QKI: variants seen among roughly 807,000 people sequenced by gnomAD.
The protein encoded by QKI is QKI, KH domain containing RNA binding, also known as KH domain-containing RNA-binding protein QKI.
QKI carries 10 observed loss-of-function variants against 39.0 expected under a neutral mutation model. That is an observed-to-expected ratio of 0.26 (90% CI 0.16 to 0.43). The LOEUF (loss-of-function observed/expected upper bound fraction) is 0.43. QKI is among the 20% of genes least tolerant of loss of function. The pLI, the probability that QKI is intolerant of heterozygous loss-of-function variation, is 1.00. For synonymous variants in QKI, 204 were observed against 155.4 expected, an observed-to-expected ratio of 1.31 and a Z score of -2.33; for missense variants, 218 against 428.0, an observed-to-expected ratio of 0.51 and a Z score of 4.33.
intron 4 of QKI, among the ~76,000 whole-genome samples, chr6:163,543,883 A>T (rs953376214): frequency 6.6e-6 from 1 of 152,082 alleles, no homozygotes; most frequent in Admixed American, 6.6e-5. Flanking sequence ...TCTTAATTTA[A>T]ATATATTTTC....
At chr6:163,480,542 CATA>C (rs1317226143) in intron 3 of QKI, among the ~76,000 whole-genome samples, 7 of 152,106 alleles carry the variant, frequency 4.6e-5, no homozygotes, top group Non-Finnish European at 1.5e-5. Context: ...AAAAAGTTCT[CATA>C]ATATTGATTA....
At position 163,468,222 on chromosome 6, in the gene QKI, C is replaced by G. The variant is rs375374283; in HGVS notation, c.286-10558C>G. On this transcript the variant is annotated intron_variant, in intron 2 of 7. Transcript: ENST00000361752. Reference sequence around the variant, plus strand: ...ATATAATGAAAGATTTGTAAGGCATCTAACTAAAATCACCCTAGAAATAAC... The same window carrying G: ...ATATAATGAAAGATTTGTAAGGCATGTAACTAAAATCACCCTAGAAATAAC... Among the ~76,000 whole-genome samples the G allele has an allele frequency of 2.6e-5, 4 of 152,106 alleles. No homozygotes were observed. In the South Asian group the frequency reaches 8.3e-4, roughly 31 times the overall value.
intron 1 of QKI, among the ~76,000 whole-genome samples, chr6:163,448,260 C>T (rs369986525): frequency 9.6e-4 from 145 of 150,334 alleles, no homozygotes; most frequent in Non-Finnish European, 1.2e-3. Context: ...TGTTTTTGGA[C>T]TTAGGATTGT....
intron 2 of QKI, among the ~76,000 whole-genome samples, chr6:163,466,670 A>ATTCC (rs1791780783): frequency 6.6e-6 from 1 of 152,210 alleles, no homozygotes; most frequent in African/African-American, 2.4e-5. Flanking sequence ...CTGGATATTG[A>ATTCC]CATTCCAAAG....
chr6:163,474,344 A>G (rs1407230014), intron 2 of QKI, among the ~76,000 whole-genome samples: 1 of 152,134 alleles, frequency 6.6e-6, no homozygotes, highest in Non-Finnish European at 1.5e-5. Flanking sequence ...AAAAAGAAAT[A>G]AAAATATATG....
chr6:163,475,698 G>T (rs1792537305), intron 2 of QKI, among the ~76,000 whole-genome samples: 1 of 152,156 alleles, frequency 6.6e-6, no homozygotes, highest in African/African-American at 2.4e-5. Context: ...TGTGAGAGAA[G>T]AAAAGAAAAT....
intron 1 of QKI, among the ~76,000 whole-genome samples, chr6:163,435,008 A>C (rs1444143937): frequency 1.3e-5 from 2 of 152,220 alleles, no homozygotes; most frequent in Non-Finnish European, 2.9e-5. Flanking sequence ...TGGGTACTTA[A>C]TTATCCAACA....
chr6:163,424,551 G>T (rs1048576572), intron 1 of QKI, among the ~76,000 whole-genome samples: 2 of 152,038 alleles, frequency 1.3e-5, no homozygotes, highest in Non-Finnish European at 2.9e-5. Flanking sequence ...CAACTGCCCT[G>T]CCAACCTCAA....
Position 163,568,436 on chromosome 6 carries a change from C to T in QKI, c.1009+1641C>T, listed in dbSNP as rs370898851. 9.1e-6 allele frequency: 9 copies of T among 985,118 alleles called. No individual in the cohort carries two copies. The African/African-American group carries it at 1.0e-4, about 11-fold the overall frequency. The allele number at this position is 985,118 out of a possible 1,614,324, so 61.0% of individuals were successfully genotyped here. ...TCCATGCATGGATCTTTTGTAGTTACGTGTTTTGATTAGTCCTGTCACTGT... is the reference window on the plus strand; with the variant it reads ...TCCATGCATGGATCTTTTGTAGTTATGTGTTTTGATTAGTCCTGTCACTGT... On this transcript the variant is annotated intron_variant, in intron 7 of 7. Coordinates refer to ENST00000361752, the MANE Select transcript of QKI (RefSeq NM_006775.3).
intron 6 of QKI, 199 bp downstream of exon 6, chr6:163,563,918 C>G: frequency 2.1e-6 from 3 of 1,407,916 alleles, no homozygotes; most frequent in Non-Finnish European, 2.8e-6. Context: ...TTATTCAGAT[C>G]CACTTTGGTA....
chr6:163,461,382 A>G (rs540578305), intron 2 of QKI, among the ~76,000 whole-genome samples: 92 of 152,340 alleles, frequency 6.0e-4, no homozygotes, highest in African/African-American at 2.2e-3. Flanking sequence ...GAGTTTTAAA[A>G]ATGCAGGCAC....
Position 163,572,901 on chromosome 6 carries a change from A to G in QKI, c.*2191A>G, listed in dbSNP as rs143149889. Reference sequence around the variant, plus strand: ...TGCTTTGTCTTTCTGTTACACATACAGTTTTGATTTATTTACAATATATGC... The same window carrying G: ...TGCTTTGTCTTTCTGTTACACATACGGTTTTGATTTATTTACAATATATGC... On this transcript the variant is annotated 3_prime_UTR_variant, in exon 8 of 8. Coordinates refer to ENST00000361752, the MANE Select transcript of QKI (RefSeq NM_006775.3). 6.6e-6 allele frequency: 1 copy of G among 151,938 alleles called. No individual in the cohort carries two copies. Among genetic ancestry groups the G allele is most frequent in the Admixed American group, 6.6e-5 (1 of 15,232 alleles). The allele number at this position is 151,938 out of a possible 1,614,324, so 9.4% of individuals were successfully genotyped here. A position where few individuals can be genotyped will look rare whatever the true frequency, so the allele number is the denominator to read the frequency against.
At chr6:163,554,687 CAAG>C (rs1483099048) in intron 4 of QKI, among the ~76,000 whole-genome samples, 1 of 152,220 alleles carries the variant, frequency 6.6e-6, no homozygotes, top group East Asian at 1.9e-4. Flanking sequence ...TTGCTTAAAT[CAAG>C]AACCTAAACA....
At chr6:163,445,211 T>C (rs1036317904) in intron 1 of QKI, among the ~76,000 whole-genome samples, 1 of 152,092 alleles carries the variant, frequency 6.6e-6, no homozygotes, top group Non-Finnish European at 1.5e-5. Context: ...AGTATAGTTA[T>C]GGGAAGCAGG....
At chr6:163,441,953 A>G (rs1280728092) in intron 1 of QKI, among the ~76,000 whole-genome samples, 7 of 152,224 alleles carry the variant, frequency 4.6e-5, no homozygotes, top group Non-Finnish European at 5.9e-5. Flanking sequence ...TTTTATACCA[A>G]CTGAGATGGG....
At chr6:163,473,294 C>T (rs995439371) in intron 2 of QKI, among the ~76,000 whole-genome samples, 5 of 152,108 alleles carry the variant, frequency 3.3e-5, no homozygotes, top group East Asian at 1.9e-4. Context: ...AGTAGAACCA[C>T]GTAAGACTAA....
At chr6:163,546,251 A>G (rs1334388090) in intron 4 of QKI, among the ~76,000 whole-genome samples, 2 of 151,842 alleles carry the variant, frequency 1.3e-5, no homozygotes, top group Non-Finnish European at 2.9e-5. Flanking sequence ...AATTATTTTC[A>G]TACATCACTT....
At chr6:163,562,464 TG>T (rs1190678966) in intron 5 of QKI, among the ~76,000 whole-genome samples, 1 of 152,236 alleles carries the variant, frequency 6.6e-6, no homozygotes, top group East Asian at 1.9e-4. Flanking sequence ...CTGACTGAAA[TG>T]ACCCTCTGTT....
chr6:163,443,737 T>G (rs1468022212), intron 1 of QKI, among the ~76,000 whole-genome samples: 1 of 152,260 alleles, frequency 6.6e-6, no homozygotes, highest in South Asian at 2.1e-4. Context: ...GGTAAACCTA[T>G]GCTACATGAT....
Sources: allele counts gnomAD v4.1 joint callset (sites outside exome capture counted in the v4.1 genomes callset), GRCh38; gene constraint gnomAD v4.1.1; transcripts MANE v1.5; gene names NCBI Gene and HGNC (gene_info 2026-07-23, HGNC 2026-07-21).